NGFR: variants seen among roughly 807,000 people sequenced by gnomAD.
NGFR encodes the protein tumor necrosis factor receptor superfamily member 16.
NGFR carries 30 observed loss-of-function variants against 43.2 expected under a neutral mutation model. The observed-to-expected ratio is 0.69, with a 90% CI of 0.52 to 0.94. The LOEUF (loss-of-function observed/expected upper bound fraction) is 0.94, where lower values mean the gene tolerates loss of function less well. Ranked by LOEUF, NGFR falls within the 40% of genes least tolerant of loss-of-function variation. The pLI is 0.00. For synonymous variants in NGFR, 246 were observed against 259.6 expected, an observed-to-expected ratio of 0.95 and a Z score of 0.50; for missense variants, 529 against 602.5, an observed-to-expected ratio of 0.88 and a Z score of 1.28.
In NGFR at chr17:49,506,507, G is replaced by A. The variant is rs150131121; in HGVS notation, c.417G>A (p.Gln139=). The A allele has an allele frequency of 4.7e-5, 75 of 1,611,534 alleles. No homozygotes were observed. Among genetic ancestry groups the A allele is most frequent in the Non-Finnish European group, 6.1e-5 (72 of 1,179,576 alleles). ...GCTCGGGCCTCGTGTTCTCCTGCCA[G>A]GACAAGCAGAACACCGTGTGCGAGG... ...EAGSGLVFSC[Q]DKQNTVCEEC... is the part of the protein sequence containing the mutation. The change falls in exon 3 of 6, where the codon CAG becomes CAA. Residue 139 remains glutamine (Q), a synonymous_variant. Coordinates refer to ENST00000172229, the MANE Select transcript of NGFR (RefSeq NM_002507.4).
chr17:49,508,139 C>T (rs2071210607), intron 3 of NGFR, among the ~76,000 whole-genome samples: 1 of 152,218 alleles, frequency 6.6e-6, no homozygotes, highest in Non-Finnish European at 1.5e-5. Flanking sequence ...TGCCCTGGGC[C>T]AGGAGACAGG....
intron 2 of NGFR, chr17:49,505,643 G>T (rs2071192106): frequency 6.6e-6 from 1 of 152,350 alleles, no homozygotes; most frequent in Non-Finnish European, 1.5e-5. Flanking sequence ...GAGAGTGAGT[G>T]TGGGCTAAGA....
At position 49,513,151 on chromosome 17, in the gene NGFR, GC is replaced by G; in HGVS notation, c.*146del. On this transcript the variant is annotated 3_prime_UTR_variant, in exon 6 of 6. Transcript: ENST00000172229. ...CTCTGGGCAGGACCTCAGAGTCCAG[GC>G]CCCAAAACCACAGCCCTGTCAGTGC... The G allele has an allele frequency of 2.3e-6, 2 of 879,984 alleles. No individual in the cohort carries two copies. Among genetic ancestry groups the G allele is most frequent in the Non-Finnish European group, 3.4e-6 (2 of 596,146 alleles). The allele number at this position is 879,984 out of a possible 1,614,324, so 54.5% of individuals were successfully genotyped here.
chr17:49,497,988 T>TC (rs1259994705), intron 1 of NGFR, among the ~76,000 whole-genome samples: 2 of 152,216 alleles, frequency 1.3e-5, no homozygotes, highest in Non-Finnish European at 2.9e-5. Context: ...GCCTTGCACT[T>TC]CCCTGGTAGT....
At position 49,495,745 on chromosome 17, in the gene NGFR, G is replaced by A; in HGVS notation, c.66+262G>A. 2.6e-6 allele frequency: 1 copy of A among 388,046 alleles called. No individual in the cohort carries two copies. The highest frequency in any genetic ancestry group is 4.5e-6 in the Non-Finnish European group (1 of 219,986). The allele number at this position is 388,046 out of a possible 1,614,324, so 24.0% of individuals were successfully genotyped here. Reference sequence around the variant, plus strand: ...AGGTACCGCAGGGGGCGGTGGGGGAGCTGGGAGGGGTCTTTCAAGAGGGGG... The same window carrying A: ...AGGTACCGCAGGGGGCGGTGGGGGAACTGGGAGGGGTCTTTCAAGAGGGGG... On this transcript the variant is annotated intron_variant, in intron 1 of 5. Coordinates refer to ENST00000172229, the MANE Select transcript of NGFR (RefSeq NM_002507.4). This position sits in a 1 kb window ranked among gnomAD's most constrained non-coding sequence, Gnocchi z 6.4.
chr17:49,511,784 G>C (rs2071234108), intron 4 of NGFR, 108 bp from the exon 5 acceptor site: 1 of 1,307,640 alleles, frequency 7.6e-7, no homozygotes, highest in African/African-American at 1.5e-5. Context: ...GGTTATAATT[G>C]GGCACCCGCC....
chr17:49,510,946 G>T, intron 4 of NGFR: 9 of 458,294 alleles, frequency 2.0e-5, no homozygotes, highest in Admixed American at 7.1e-5. Flanking sequence ...CCAACTGCTT[G>T]TGTCCTCATC....
chr17:49,495,393 C>G lies in NGFR; in HGVS notation c.-25C>G. ...CCGCAAAGCGGACCGAGCTGGAAGTCGAGCGCTGCCGCGGGAGGCGGGCGA... is the reference window on the plus strand; with the variant it reads ...CCGCAAAGCGGACCGAGCTGGAAGTGGAGCGCTGCCGCGGGAGGCGGGCGA... On this transcript the variant is annotated 5_prime_UTR_variant, in exon 1 of 6. Coordinates refer to ENST00000172229, the MANE Select transcript of NGFR (RefSeq NM_002507.4). This position sits in a 1 kb window ranked among gnomAD's most constrained non-coding sequence, Gnocchi z 6.4. 1.6e-6 allele frequency: 2 copies of G among 1,232,310 alleles called. No individual in the cohort carries two copies. The highest frequency in any genetic ancestry group is 2.0e-6 in the Non-Finnish European group (2 of 986,968). The allele number at this position is 1,232,310 out of a possible 1,614,324, so 76.3% of individuals were successfully genotyped here.
chr17:49,512,049 C>T lies in NGFR; in HGVS notation c.979C>T (p.Gln327Ter). The T allele has an allele frequency of 6.2e-7, 1 of 1,612,658 alleles. No individual in the cohort carries two copies. The highest frequency in any genetic ancestry group is 8.5e-7 in the Non-Finnish European group (1 of 1,179,398). ...QQPHTQTASG[Q>*]ALKGDGGLYS... ...GCCCCACACGCAGACAGCCTCGGGC[C>T]AGGGTGAGCAGCGGCCCGCTGGGGA... Residue 327 changes from glutamine (Q) to a stop codon, truncating the protein, a stop_gained, in exon 5 of 6, where the codon CAG becomes TAG. Transcript: ENST00000172229. LOFTEE classifies it high-confidence loss of function. The surrounding 1 kb of genome is among the most constrained non-coding windows in gnomAD (Gnocchi z 5.2).
Position 49,495,314 on chromosome 17 carries a change from AGCTCCGGCGGGCAGGGGGGGCGC to A in NGFR, c.-103_-81del, listed in dbSNP as rs2071131393. ...AGCCAGAGCGAGCCGAGCCGCGGCCAGCTCCGGCGGGCAGGGGGGGCGCTGGAGCGCAGCGCAGCGCAGCCCCA... is the reference window on the plus strand; with the variant it reads ...AGCCAGAGCGAGCCGAGCCGCGGCCATGGAGCGCAGCGCAGCGCAGCCCCA... On this transcript the variant is annotated 5_prime_UTR_variant, in exon 1 of 6. In the 5' UTR this introduces an upstream ATG that the reference lacks. Transcript: ENST00000172229. This position sits in a 1 kb window ranked among gnomAD's most constrained non-coding sequence, Gnocchi z 6.4. 1 of 959,148 alleles carries A rather than the reference AGCTCCGGCGGGCAGGGGGGGCGC, an allele frequency of 1.0e-6. No homozygotes were observed. Among genetic ancestry groups the A allele is most frequent in the Non-Finnish European group, 1.3e-6 (1 of 741,086 alleles). The allele number at this position is 959,148 out of a possible 1,614,324, so 59.4% of individuals were successfully genotyped here.
At position 49,512,790 on chromosome 17, in the gene NGFR, G is replaced by A. The variant is rs114912512; in HGVS notation, c.1065G>A (p.Ala355=). ...EEVEKLLNGS[A]GDTWRHLAGE... is the part of the protein sequence containing the mutation. Reference sequence around the variant, plus strand: ...TGGAGAAGCTTCTCAACGGCTCTGCGGGGGACACCTGGCGGCACCTGGCGG... The same window carrying A: ...TGGAGAAGCTTCTCAACGGCTCTGCAGGGGACACCTGGCGGCACCTGGCGG... Residue 355 remains alanine (A), a synonymous_variant, in exon 6 of 6, where the codon GCG becomes GCA. Transcript: ENST00000172229. This position sits in a 1 kb window ranked among gnomAD's most constrained non-coding sequence, Gnocchi z 5.2. 4.4e-5 allele frequency: 71 copies of A among 1,613,356 alleles called. No individual in the cohort carries two copies. The highest frequency in any genetic ancestry group is 3.7e-4 in the African/African-American group (28 of 75,018).
At chr17:49,511,841 G>A (rs372844913) in intron 4 of NGFR, 51 bp from the exon 5 acceptor site, 46 of 1,492,266 alleles carry the variant, frequency 3.1e-5, no homozygotes, top group African/African-American at 2.1e-4. Context: ...CAGCTGCATC[G>A]GCCACTACAG....
chr17:49,510,960 A>C, intron 4 of NGFR: 1 of 407,450 alleles, frequency 2.5e-6, no homozygotes. Flanking sequence ...CCTCATCCCC[A>C]ACCTCCTTCA....
At chr17:49,502,000 A>AGCCCCCCCCCCCCCCC in intron 1 of NGFR, 63 bp from the exon 2 acceptor site, 11 of 264,878 alleles carry the variant, frequency 4.2e-5, no homozygotes, top group East Asian at 8.6e-5. Flanking sequence ...CCCCGGAAGA[A>AGCCCCCCCCCCCCCCC]CCCCCCCCAA....
At chr17:49,510,291 C>T in intron 3 of NGFR, 121 bp from the exon 4 acceptor site, 2 of 1,434,208 alleles carry the variant, frequency 1.4e-6, no homozygotes, top group Non-Finnish European at 1.9e-6. Context: ...CTGTGCATAA[C>T]AGCTGGGCAC....
In NGFR at chr17:49,500,131, C is replaced by T. The variant is rs571306360; in HGVS notation, c.67-1932C>T. The stretch of plus-strand genomic sequence containing the variant: ...TTTGGGAAAAGAACAAAAGAGTTTC[C>T]CTGTATTGCAGCCCAGAGTAATCGC... On this transcript the variant is annotated intron_variant, in intron 1 of 5. Coordinates refer to ENST00000172229, the MANE Select transcript of NGFR (RefSeq NM_002507.4). Among the ~76,000 whole-genome samples, 3 of 152,054 alleles carry T rather than the reference C, an allele frequency of 2.0e-5. No homozygotes were observed. The East Asian group carries it at 5.8e-4, about 29-fold the overall frequency.
At chr17:49,499,643 A>G (rs911559159) in intron 1 of NGFR, among the ~76,000 whole-genome samples, 1 of 152,158 alleles carries the variant, frequency 6.6e-6, no homozygotes, top group African/African-American at 2.4e-5. Flanking sequence ...GCTGGAGTGC[A>G]GTGGCACGAT....
chr17:49,503,776 G>A (rs974288189), intron 2 of NGFR, among the ~76,000 whole-genome samples: 2 of 152,178 alleles, frequency 1.3e-5, no homozygotes, highest in Admixed American at 6.5e-5. Context: ...TTCCAGGGCG[G>A]GGGTGGCCAA....
chr17:49,503,788 C>A (rs657770), intron 2 of NGFR, among the ~76,000 whole-genome samples: 57,860 of 151,952 alleles, frequency 0.38, 11,454 homozygotes, highest in African/African-American at 0.44. Flanking sequence ...GGTGGCCAAC[C>A]ATCAGCTATC....
Sources: gnomAD v4.1 joint callset for allele counts (sites outside exome capture counted in the v4.1 genomes callset) on GRCh38, gnomAD v4.1.1 for gene constraint, Gnocchi (gnomAD v3.1) non-coding constraint, MANE v1.5 for transcripts, NCBI Gene and HGNC (gene_info 2026-07-23, HGNC 2026-07-21) for gene names.